FBP2: variants seen among roughly 807,000 people sequenced by gnomAD.
The protein encoded by FBP2 is fructose-bisphosphatase 2.
A neutral mutation model predicts 31.6 loss-of-function variants in FBP2; 27 were observed. That is an observed-to-expected ratio of 0.85 (90% CI 0.63 to 1.18). The LOEUF is 1.18. Among genes scored for constraint, FBP2 ranks in the 50% most tolerant of loss-of-function variants. FBP2 has a pLI of 0.00. For missense variants in FBP2, 421 were observed against 436.1 expected, an observed-to-expected ratio of 0.97 and a Z score of 0.31; for synonymous variants, 168 against 179.8, an observed-to-expected ratio of 0.93 and a Z score of 0.53.
At chr9:94,568,512 A>G (rs1475849396) in intron 4 of FBP2, 2 of 152,246 alleles carry the variant, frequency 1.3e-5, no homozygotes, top group Admixed American at 6.5e-5. Flanking sequence ...AACCAGATCC[A>G]TTTTGATGAA....
At chr9:94,564,776 T>C (rs961415854) in intron 5 of FBP2, among the ~76,000 whole-genome samples, 1 of 152,146 alleles carries the variant, frequency 6.6e-6, no homozygotes, top group African/African-American at 2.4e-5. Flanking sequence ...AGTTTACTTA[T>C]ATAACAAACC....
chr9:94,574,532 A>G (rs1227060010), intron 3 of FBP2, among the ~76,000 whole-genome samples: 5 of 152,114 alleles, frequency 3.3e-5, no homozygotes, highest in South Asian at 2.1e-4. Context: ...AGCTCTTTAT[A>G]TATAAAGGAT....
At position 94,558,760 on chromosome 9, in the gene FBP2, C is replaced by A; in HGVS notation, c.*178G>T. 3.3e-6 allele frequency: 2 copies of A among 610,210 alleles called. No individual in the cohort carries two copies. Among genetic ancestry groups the A allele is most frequent in the East Asian group, 2.9e-5 (1 of 34,172 alleles). 37.8% of individuals were successfully genotyped at this position (610,210 alleles called of 1,614,324 possible). On this transcript the variant is annotated 3_prime_UTR_variant, in exon 7 of 7. Transcript: ENST00000375337. ...TTTTATTTCTAGTCCTTCACATTGA[C>A]CATAGAATCGCCTGTGGCTTCCAAA... is the stretch of plus-strand genomic sequence containing the variant.
chr9:94,564,379 T>C (rs1450037811), intron 5 of FBP2, among the ~76,000 whole-genome samples: 1 of 152,208 alleles, frequency 6.6e-6, no homozygotes, highest in Non-Finnish European at 1.5e-5. Flanking sequence ...ACTGCAACAC[T>C]ATTCACAATA....
At chr9:94,559,260 C>G (rs1335571690) in intron 6 of FBP2, 128 bp from the exon 7 acceptor site, 1 of 756,702 alleles carries the variant, frequency 1.3e-6, no homozygotes, top group East Asian at 2.7e-5. Context: ...GCACCATGCA[C>G]CTTGCAAGAG....
intron 3 of FBP2, among the ~76,000 whole-genome samples, chr9:94,579,866 A>G (rs1587843538): frequency 1.3e-5 from 2 of 152,340 alleles, no homozygotes; most frequent in African/African-American, 4.8e-5. Flanking sequence ...TGGCACTAAA[A>G]CATTTTATCT....
At chr9:94,592,395 T>C (rs1827512465) in intron 1 of FBP2, among the ~76,000 whole-genome samples, 1 of 152,144 alleles carries the variant, frequency 6.6e-6, no homozygotes, top group East Asian at 1.9e-4. Flanking sequence ...TTGCTCAGAG[T>C]AAATATTTTA....
intron 6 of FBP2, among the ~76,000 whole-genome samples, chr9:94,562,588 TGA>T (rs1409002504): frequency 6.6e-6 from 1 of 152,208 alleles, no homozygotes; most frequent in Non-Finnish European, 1.5e-5. Flanking sequence ...AAGGTGACTC[TGA>T]GAGACAGAAA....
chr9:94,562,123 A>G (rs1351500015), intron 6 of FBP2, among the ~76,000 whole-genome samples: 2 of 151,920 alleles, frequency 1.3e-5, no homozygotes, highest in Non-Finnish European at 2.9e-5. Context: ...CATCCTGGCT[A>G]ACATGGTGAA....
chr9:94,585,385 G>C (rs1048984523), intron 2 of FBP2, among the ~76,000 whole-genome samples: 6 of 152,174 alleles, frequency 3.9e-5, no homozygotes, highest in Non-Finnish European at 8.8e-5. Context: ...TGTTTCCGGG[G>C]GGTCAGCGAT....
chr9:94,563,235 C>T, intron 6 of FBP2, 107 bp downstream of exon 6: 1 of 1,300,526 alleles, frequency 7.7e-7, no homozygotes, highest in Non-Finnish European at 1.1e-6. Context: ...CCCATCCCCA[C>T]ACAGACATGC....
At position 94,566,359 on chromosome 9, in the gene FBP2, C is replaced by T. The variant is rs548478343; in HGVS notation, c.705+911G>A. ...ACCTGGCCCGCCCAGGGTGGAAAAC[C>T]GCTTAAAGGCATTCTTAAGCCACAA... On this transcript the variant is annotated intron_variant, in intron 5 of 6. Transcript: ENST00000375337. 2.0e-3 allele frequency among the ~76,000 whole-genome samples: 306 copies of T among 152,316 alleles called. 1 individual carries two copies. The highest frequency in any genetic ancestry group is 7.0e-3 in the African/African-American group (293 of 41,574).
intron 3 of FBP2, among the ~76,000 whole-genome samples, chr9:94,574,754 C>T (rs1827300321): frequency 6.6e-6 from 1 of 152,058 alleles, no homozygotes; most frequent in African/African-American, 2.4e-5. Flanking sequence ...TTTTATTCCC[C>T]ACCTCTCTAC....
At chr9:94,559,220 C>T in intron 6 of FBP2, 88 bp from the exon 7 acceptor site, 2 of 1,193,212 alleles carry the variant, frequency 1.7e-6, no homozygotes, top group South Asian at 1.4e-5. Flanking sequence ...GGAGTTTGTA[C>T]TGCGGTGCTT....
Position 94,569,857 on chromosome 9 carries a change from C to G in FBP2, c.567+1605G>C, listed in dbSNP as rs1188508696. ...CAGCCCTGCAATCCCACAGACCTCACAGGCTCAGTTTGACCCACCAGGGAA... is the reference window on the plus strand; with the variant it reads ...CAGCCCTGCAATCCCACAGACCTCAGAGGCTCAGTTTGACCCACCAGGGAA... On this transcript the variant is annotated intron_variant, in intron 4 of 6. Transcript: ENST00000375337. 2.6e-5 allele frequency: 4 copies of G among 152,382 alleles called. No individual in the cohort carries two copies. The East Asian group carries it at 7.7e-4, about 29-fold the overall frequency. 9.4% of individuals were successfully genotyped at this position (152,382 alleles called of 1,614,324 possible). A position where few individuals can be genotyped will look rare whatever the true frequency, so the allele number is the denominator to read the frequency against.
intron 5 of FBP2, 33 bp from the exon 6 acceptor site, chr9:94,563,494 G>C (rs1270999988): frequency 1.9e-6 from 3 of 1,603,678 alleles, no homozygotes; most frequent in African/African-American, 1.3e-5. Flanking sequence ...ACAAGATCCA[G>C]TGGCTTTCAG....
chr9:94,569,613 T>C (rs1280374136), intron 4 of FBP2: 1 of 152,238 alleles, frequency 6.6e-6, no homozygotes, highest in Admixed American at 6.5e-5. Flanking sequence ...GTTCCTTTGT[T>C]CTGATTGTGT....
At position 94,587,391 on chromosome 9, in the gene FBP2, G is replaced by C. The variant is rs761081506; in HGVS notation, c.249C>G (p.Ile83Met). 6.2e-7 allele frequency: 1 copy of C among 1,613,954 alleles called. No homozygotes were observed. The highest frequency in any genetic ancestry group is 1.7e-5 in the Admixed American group (1 of 60,012). ...KLDVLSNSLVINMVQSSYSTC... is the reference protein window; with the variant it reads ...KLDVLSNSLVMNMVQSSYSTC... The stretch of plus-strand genomic sequence containing the variant: ...TACTATAGGAGGATTGGACCATGTT[G>C]ATCACCAGGGAATTGGATAGCACAT... Residue 83 changes from isoleucine (I) to methionine (M), a missense_variant, in exon 2 of 7, where the codon ATC becomes ATG. Physicochemically the swap from Ile to Met is conservative, Grantham distance 10. Coordinates refer to ENST00000375337, the MANE Select transcript of FBP2 (RefSeq NM_003837.4).
intron 5 of FBP2, among the ~76,000 whole-genome samples, chr9:94,564,453 T>C (rs1428999022): frequency 6.6e-6 from 1 of 152,192 alleles, no homozygotes; most frequent in Non-Finnish European, 1.5e-5. Context: ...ATGTGCTACA[T>C]ATACACAATG....
Sources: gnomAD v4.1 joint callset for allele counts (sites outside exome capture counted in the v4.1 genomes callset) on GRCh38, gnomAD v4.1.1 for gene constraint, MANE v1.5 for transcripts, NCBI Gene and HGNC (gene_info 2026-07-23, HGNC 2026-07-21) for gene names.